Variants in PPFIBP1 observed in about 807,000 individuals in gnomAD.
The protein encoded by PPFIBP1 is liprin-beta-1.
A neutral mutation model predicts 137.8 loss-of-function variants in PPFIBP1; 112 were observed. The observed-to-expected ratio is 0.81, with a 90% CI of 0.70 to 0.95. The LOEUF (loss-of-function observed/expected upper bound fraction) is 0.95. Ranked by LOEUF, PPFIBP1 falls within the 40% of genes least tolerant of loss-of-function variation. The probability of loss-of-function intolerance (pLI) is 0.00; values close to 1 mark genes in which losing one functional copy is unlikely to be tolerated. For synonymous variants in PPFIBP1, 378 were observed against 417.3 expected (o/e 0.91, Z 1.15); for missense variants, 1,083 against 1,196.6 (o/e 0.91, Z 1.40).
In PPFIBP1 at chr12:27,655,385, A is replaced by G. The variant is rs1375375753; in HGVS notation, c.696+571A>G. On this transcript the variant is annotated intron_variant, in intron 8 of 29. Coordinates refer to ENST00000228425, the MANE Select transcript of PPFIBP1 (RefSeq NM_003622.4). ...ATCACCTCAAGCTGATTGAAGGGAC[A>G]ATGGGATCCCTGATGTTGTTTTCAG... is the stretch of plus-strand genomic sequence containing the variant. 1.1e-4 allele frequency: 63 copies of G among 551,820 alleles called. No individual in the cohort carries two copies. The East Asian group carries it at 1.8e-3, about 16-fold the overall frequency. 34.2% of individuals were successfully genotyped at this position (551,820 alleles called of 1,614,324 possible).
intron 2 of PPFIBP1, among the ~76,000 whole-genome samples, chr12:27,582,585 T>C (rs1292781349): frequency 2.6e-5 from 4 of 152,200 alleles, no homozygotes; most frequent in Non-Finnish European, 5.9e-5. Flanking sequence ...GAAATGAGAT[T>C]GGGTTCCCTG....
chr12:27,674,811 AT>A (rs72418237), intron 17 of PPFIBP1, among the ~76,000 whole-genome samples: 29 of 108,714 alleles, frequency 2.7e-4, no homozygotes, highest in African/African-American at 8.6e-4. Flanking sequence ...CTTTCCCCTG[AT>A]TTTTTTTTTT....
intron 4 of PPFIBP1, among the ~76,000 whole-genome samples, chr12:27,639,407 T>G (rs1256577531): frequency 6.6e-6 from 1 of 152,242 alleles, no homozygotes; most frequent in Non-Finnish European, 1.5e-5. Context: ...AGTTACTTAC[T>G]TTAGGTCTAA....
At chr12:27,567,825 C>G (rs1365556708) in intron 1 of PPFIBP1, among the ~76,000 whole-genome samples, 1 of 152,084 alleles carries the variant, frequency 6.6e-6, no homozygotes, top group African/African-American at 2.4e-5. Flanking sequence ...GCATTCAGAT[C>G]AAGTAGATAT....
Position 27,688,510 on chromosome 12 carries a change from T to C in PPFIBP1, c.2496+87T>C. The C allele has an allele frequency of 1.0e-5, 15 of 1,505,892 alleles. No homozygotes were observed. The South Asian group carries it at 1.7e-4, about 17-fold the overall frequency. The allele number at this position is 1,505,892 out of a possible 1,614,324, so 93.3% of individuals were successfully genotyped here. A position where few individuals can be genotyped will look rare whatever the true frequency, so the allele number is the denominator to read the frequency against. ...TATTATCAATTTTTGCTTATCATAA[T>C]CCTAAAGTCATCTGACTCAACCCTC... is the stretch of plus-strand genomic sequence containing the variant. On this transcript the variant is annotated intron_variant, in intron 26 of 29. Transcript: ENST00000228425.
At position 27,577,680 on chromosome 12, in the gene PPFIBP1, G is replaced by A. The variant is rs529579575; in HGVS notation, c.-123-472G>A. Reference sequence around the variant, plus strand: ...CAAAAATGCAAGTCTGAAAAATAGTGTATGTATTTCTACATATTTTATACA... The same window carrying A: ...CAAAAATGCAAGTCTGAAAAATAGTATATGTATTTCTACATATTTTATACA... On this transcript the variant is annotated intron_variant, in intron 1 of 29. Coordinates refer to ENST00000228425, the MANE Select transcript of PPFIBP1 (RefSeq NM_003622.4). Among the ~76,000 whole-genome samples, 63 of 152,222 alleles carry A rather than the reference G, an allele frequency of 4.1e-4. 1 individual carries two copies. Among genetic ancestry groups the A allele is most frequent in the Non-Finnish European group, 7.1e-4 (48 of 68,010 alleles).
intron 1 of PPFIBP1, among the ~76,000 whole-genome samples, chr12:27,532,555 T>A (rs1944530090): frequency 6.6e-6 from 1 of 152,044 alleles, no homozygotes; most frequent in Non-Finnish European, 1.5e-5. Context: ...TTGGTCCTTT[T>A]GGAGGTTGGT....
chr12:27,581,034 A>G (rs1235939941), intron 2 of PPFIBP1, among the ~76,000 whole-genome samples: 1 of 152,058 alleles, frequency 6.6e-6, no homozygotes, highest in Non-Finnish European at 1.5e-5. Context: ...AACTGGGACT[A>G]CAGGCGTGTG....
At chr12:27,585,853 T>C (rs1262955851) in intron 2 of PPFIBP1, among the ~76,000 whole-genome samples, 1 of 152,038 alleles carries the variant, frequency 6.6e-6, no homozygotes, top group East Asian at 1.9e-4. Context: ...GCAAAAGCAT[T>C]GGAGCACGAA....
In PPFIBP1 at chr12:27,646,005, C is replaced by T. The variant is rs565097334; in HGVS notation, c.271-57C>T. The T allele has an allele frequency of 2.3e-6, 3 of 1,277,398 alleles. No homozygotes were observed. The Admixed American group carries it at 5.2e-5, about 22-fold the overall frequency. The allele number at this position is 1,277,398 out of a possible 1,614,324, so 79.1% of individuals were successfully genotyped here. A position where few individuals can be genotyped will look rare whatever the true frequency, so the allele number is the denominator to read the frequency against. On this transcript the variant is annotated intron_variant, in intron 4 of 29. Coordinates refer to ENST00000228425, the MANE Select transcript of PPFIBP1 (RefSeq NM_003622.4). ...AAGAACACTTGTGATTTTCATTTAT[C>T]TACGATATATCATTCTTAGAGAAGA...
intron 1 of PPFIBP1, among the ~76,000 whole-genome samples, chr12:27,574,895 T>C (rs2050433663): frequency 6.6e-6 from 1 of 152,216 alleles, no homozygotes; most frequent in Non-Finnish European, 1.5e-5. Flanking sequence ...TTGTTGTTTA[T>C]TTACTAAGAG....
At position 27,558,262 on chromosome 12, in the gene PPFIBP1, T is replaced by G. The variant is rs558973589; in HGVS notation, c.-123-19890T>G. Among the ~76,000 whole-genome samples the G allele has an allele frequency of 1.4e-3, 202 of 148,278 alleles. 1 individual carries two copies. The highest frequency in any genetic ancestry group is 3.4e-3 in the Middle Eastern group (1 of 294). ...TTCCCTAAAGACCTTCTGGGTTTTT[T>G]TTTTGTTTTGTTTTGTTTTGTTTTG... is the stretch of plus-strand genomic sequence containing the variant. On this transcript the variant is annotated intron_variant, in intron 1 of 29. Transcript: ENST00000228425.
At chr12:27,686,147 T>C (rs1258369682) in intron 24 of PPFIBP1, among the ~76,000 whole-genome samples, 2 of 152,190 alleles carry the variant, frequency 1.3e-5, no homozygotes, top group African/African-American at 4.8e-5. Context: ...ACACTACTTT[T>C]AAGGAATTAC....
intron 2 of PPFIBP1, among the ~76,000 whole-genome samples, chr12:27,613,965 A>C (rs879370797): frequency 6.6e-6 from 1 of 152,136 alleles, no homozygotes; most frequent in Non-Finnish European, 1.5e-5. Flanking sequence ...TCCACACCCC[A>C]GGTCCAGAAT....
intron 18 of PPFIBP1, 64 bp from the exon 19 acceptor site, chr12:27,677,000 T>A (rs1318353295): frequency 6.2e-7 from 1 of 1,611,142 alleles, no homozygotes; most frequent in East Asian, 2.2e-5. Context: ...CATTTCATTT[T>A]GTCATCTCTG....
In PPFIBP1 at chr12:27,633,470, A is replaced by G. The variant is rs201986345; in HGVS notation, c.64+10A>G. On this transcript the variant is annotated intron_variant, in intron 3 of 29. Coordinates refer to ENST00000228425, the MANE Select transcript of PPFIBP1 (RefSeq NM_003622.4). ...GATGGTATCATAGCAGGTGATCTGC[A>G]TCCTGTGAAAGACAGAATCACAACA... The G allele has an allele frequency of 1.7e-4, 280 of 1,609,608 alleles. 1 individual carries two copies. In the East Asian group the frequency reaches 4.7e-3, roughly 27 times the overall value.
chr12:27,526,854 TA>T (rs961543822), intron 1 of PPFIBP1, among the ~76,000 whole-genome samples: 1 of 152,022 alleles, frequency 6.6e-6, no homozygotes, highest in Non-Finnish European at 1.5e-5. Context: ...ATAAATAAAA[TA>T]AAAATTAAGG....
At chr12:27,680,759 A>G (rs2140356991) in intron 21 of PPFIBP1, among the ~76,000 whole-genome samples, 1 of 152,342 alleles carries the variant, frequency 6.6e-6, no homozygotes, top group East Asian at 1.9e-4. Flanking sequence ...ACATTGACTC[A>G]CTGTGCATAA....
chr12:27,672,306 T>A (rs536716882), intron 14 of PPFIBP1, 121 bp from the exon 15 acceptor site: 4 of 762,032 alleles, frequency 5.2e-6, no homozygotes, highest in African/African-American at 3.6e-5. Context: ...ATAGGACATT[T>A]AAAAAAATAG....
Sources: gnomAD v4.1 joint callset for allele counts (sites outside exome capture counted in the v4.1 genomes callset) on GRCh38, gnomAD v4.1.1 for gene constraint, MANE v1.5 for transcripts, NCBI Gene and HGNC (gene_info 2026-07-23, HGNC 2026-07-21) for gene names.